PCLO: variants seen among roughly 807,000 people sequenced by gnomAD.
PCLO encodes piccolo presynaptic cytomatrix protein.
Under a neutral mutation model 427.5 loss-of-function variants are expected in PCLO, and 82 were observed. The observed-to-expected ratio is 0.19, with a 90% CI of 0.16 to 0.23. The LOEUF (loss-of-function observed/expected upper bound fraction) is 0.23, where lower values mean the gene tolerates loss of function less well. Among genes scored for constraint, PCLO ranks in the 10% least tolerant of loss-of-function variants. PCLO has a pLI of 1.00. For synonymous variants in PCLO, 2,357 were observed against 2,155.4 expected, an observed-to-expected ratio of 1.09 and a Z score of -2.59; for missense variants, 6,239 against 6,115.9, an observed-to-expected ratio of 1.02 and a Z score of -0.67.
At chr7:82,803,924 T>G (rs2129468773) in intron 21 of PCLO, among the ~76,000 whole-genome samples, 1 of 152,206 alleles carries the variant, frequency 6.6e-6, no homozygotes, top group East Asian at 1.9e-4. Context: ...AAATCAAAAT[T>G]AGAATGTGGT....
chr7:83,155,072 C>A lies in PCLO; in HGVS notation c.1569G>T (p.Gln523His), dbSNP rs371174942. 19 of 1,606,088 alleles carry A rather than the reference C, an allele frequency of 1.2e-5. No individual in the cohort carries two copies. Among genetic ancestry groups the A allele is most frequent in the Non-Finnish European group, 1.6e-5 (19 of 1,178,074 alleles). ...GAGATGGGGGTTTTGTTGAGCCAGG[C>A]TGTTGAGGTGAGGGCTTTGCTGGGC... ...QPGPAKPSPQ[Q>H]PGSTKPPSQQ... The change falls in exon 2 of 25, where the codon CAG becomes CAT. Residue 523 changes from glutamine (Q) to histidine (H), a missense_variant. Coordinates refer to ENST00000333891, the MANE Select transcript of PCLO (RefSeq NM_033026.6).
chr7:83,021,243 G>A (rs1788335470), intron 3 of PCLO, among the ~76,000 whole-genome samples: 1 of 152,114 alleles, frequency 6.6e-6, no homozygotes, highest in Non-Finnish European at 1.5e-5. Context: ...TTATTTGGCT[G>A]CCCTGTAATC....
At chr7:82,922,792 T>G (rs1051968620) in intron 6 of PCLO, among the ~76,000 whole-genome samples, 2 of 152,006 alleles carry the variant, frequency 1.3e-5, no homozygotes, top group African/African-American at 4.8e-5. Context: ...TAGTTCTCAG[T>G]GTCAATATCA....
At chr7:82,986,089 T>C (rs1334184447) in intron 3 of PCLO, among the ~76,000 whole-genome samples, 1 of 151,948 alleles carries the variant, frequency 6.6e-6, no homozygotes, top group Non-Finnish European at 1.5e-5. Flanking sequence ...ATTTTTCTTA[T>C]AGTTACTTAG....
At chr7:83,132,739 T>C (rs1011983404) in intron 3 of PCLO, among the ~76,000 whole-genome samples, 1 of 152,120 alleles carries the variant, frequency 6.6e-6, no homozygotes. Flanking sequence ...GTTTTGTTTT[T>C]AGAAATGCAG....
In PCLO at chr7:83,155,299, T is replaced by C; in HGVS notation, c.1342A>G (p.Lys448Glu). Residue 448 changes from lysine to glutamate, a missense_variant, in exon 2 of 25, where the codon AAG becomes GAG. Transcript: ENST00000333891. ...GGTCCTGCCTGTTGAGCTGGAATCT[T>C]TCCTGGCCCAGGCTGCTGAACTGGA... ...KTPVQQPGPG[K>E]IPAQQAGPGK... The C allele has an allele frequency of 6.2e-7, 1 of 1,613,996 alleles. No homozygotes were observed. The highest frequency in any genetic ancestry group is 8.5e-7 in the Non-Finnish European group (1 of 1,179,882).
chr7:83,136,248 C>T (rs987017651), intron 2 of PCLO, among the ~76,000 whole-genome samples: 13 of 151,748 alleles, frequency 8.6e-5, no homozygotes, highest in Admixed American at 2.6e-4. Context: ...TTTGATTATC[C>T]CCAGAAATAG....
intron 3 of PCLO, among the ~76,000 whole-genome samples, chr7:83,109,683 A>G (rs1790953558): frequency 6.6e-6 from 1 of 152,082 alleles, no homozygotes; most frequent in Non-Finnish European, 1.5e-5. Context: ...ATTTTCATAT[A>G]TTTTTAAAAG....
intron 3 of PCLO, among the ~76,000 whole-genome samples, chr7:83,109,894 T>G (rs1790959879): frequency 6.6e-6 from 1 of 151,976 alleles, no homozygotes; most frequent in African/African-American, 2.4e-5. Context: ...ACATCAAATT[T>G]TTGAAAGGCA....
intron 6 of PCLO, among the ~76,000 whole-genome samples, chr7:82,945,783 A>G (rs1164361843): frequency 1.3e-5 from 2 of 152,224 alleles, no homozygotes; most frequent in African/African-American, 4.8e-5. Context: ...ATGAGTGAAA[A>G]CAAGCAAGAA....
chr7:83,071,384 T>C (rs1789812015), intron 3 of PCLO, among the ~76,000 whole-genome samples: 2 of 152,240 alleles, frequency 1.3e-5, no homozygotes, highest in Non-Finnish European at 2.9e-5. Context: ...TAATGGTTGT[T>C]AGATTGAGAG....
chr7:82,964,416 G>A (rs1380096311), intron 4 of PCLO, among the ~76,000 whole-genome samples: 1 of 152,090 alleles, frequency 6.6e-6, no homozygotes, highest in Non-Finnish European at 1.5e-5. Context: ...CTAGGTACTT[G>A]AAAATGCAGG....
chr7:83,016,876 A>C (rs1179062391), intron 3 of PCLO, among the ~76,000 whole-genome samples: 1 of 152,118 alleles, frequency 6.6e-6, no homozygotes, highest in Non-Finnish European at 1.5e-5. Context: ...GCAAAAAACT[A>C]GCACCCCCTA....
At chr7:82,949,418 G>A in intron 6 of PCLO, 58 bp downstream of exon 6, 1 of 1,355,382 alleles carries the variant, frequency 7.4e-7, no homozygotes, top group Non-Finnish European at 1.0e-6. Flanking sequence ...CTAAAAGTCT[G>A]AAAACACATG....
At chr7:82,815,792 AACC>A (rs1427374810) in intron 20 of PCLO, among the ~76,000 whole-genome samples, 2 of 152,042 alleles carry the variant, frequency 1.3e-5, no homozygotes, top group African/African-American at 4.8e-5. Flanking sequence ...CAATGGTAAA[AACC>A]ACCATTACTT....
chr7:83,077,999 A>G (rs563881213), intron 3 of PCLO, among the ~76,000 whole-genome samples: 1 of 152,224 alleles, frequency 6.6e-6, no homozygotes, highest in South Asian at 2.1e-4. Flanking sequence ...AAGGTCGGTA[A>G]TTGCATTTTA....
Position 82,951,441 on chromosome 7 carries a change from T to G in PCLO, c.9147A>C (p.Thr3049=). ...SSKTTGPYPE[T]RQVISGAGIS... is the part of the protein sequence containing the mutation. ...TCCCAGCTCCTGAAATGACTTGTCGTGTTTCTGGATATGGACCTGTAGTCT... is the reference window on the plus strand; with the variant it reads ...TCCCAGCTCCTGAAATGACTTGTCGGGTTTCTGGATATGGACCTGTAGTCT... The change falls in exon 6 of 25, where the codon ACA becomes ACC. Residue 3049 remains threonine, a synonymous_variant. Transcript: ENST00000333891. The G allele has an allele frequency of 6.3e-7, 1 of 1,589,344 alleles. No individual in the cohort carries two copies. The highest frequency in any genetic ancestry group is 1.3e-5 in the African/African-American group (1 of 74,724).
chr7:82,813,869 G>C (rs548602366), intron 20 of PCLO, among the ~76,000 whole-genome samples: 1 of 151,698 alleles, frequency 6.6e-6, no homozygotes, highest in East Asian at 1.9e-4. Context: ...CAAGTATTTC[G>C]TAAGAAGCTT....
At chr7:83,097,874 A>G (rs1790635719) in intron 3 of PCLO, among the ~76,000 whole-genome samples, 1 of 152,022 alleles carries the variant, frequency 6.6e-6, no homozygotes, top group Admixed American at 6.6e-5. Context: ...CATACTATAT[A>G]ATACATGGAA....
Sources: allele counts gnomAD v4.1 joint callset (sites outside exome capture counted in the v4.1 genomes callset), GRCh38; gene constraint gnomAD v4.1.1; transcripts MANE v1.5; gene names NCBI Gene and HGNC (gene_info 2026-07-23, HGNC 2026-07-21).